Variants in CNTNAP5 observed in about 807,000 individuals in gnomAD.
CNTNAP5 encodes contactin-associated protein-like 5.
A neutral mutation model predicts 150.2 loss-of-function variants in CNTNAP5; 72 were observed. The ratio of observed to expected loss-of-function variants is 0.48; its 90% CI spans 0.40 to 0.58. The LOEUF is 0.58. Ranked by LOEUF, CNTNAP5 falls within the 20% of genes least tolerant of loss-of-function variation. The pLI is 0.00. For missense variants in CNTNAP5, 1,636 were observed against 1,626.2 expected, an observed-to-expected ratio of 1.01 and a Z score of -0.10; for synonymous variants, 672 against 619.8, an observed-to-expected ratio of 1.08 and a Z score of -1.25.
chr2:124,608,368 A>C (rs1677300856), intron 11 of CNTNAP5, among the ~76,000 whole-genome samples: 2 of 152,274 alleles, frequency 1.3e-5, no homozygotes, highest in African/African-American at 4.8e-5. Flanking sequence ...TAGCCTAATA[A>C]AATTTATATA....
intron 2 of CNTNAP5, among the ~76,000 whole-genome samples, chr2:124,230,366 A>G (rs912981442): frequency 1.3e-5 from 2 of 152,054 alleles, no homozygotes; most frequent in Non-Finnish European, 2.9e-5. Flanking sequence ...AATCCTGGGA[A>G]CCCAATTTCA....
intron 21 of CNTNAP5, among the ~76,000 whole-genome samples, chr2:124,897,178 A>G (rs1678323289): frequency 6.6e-6 from 1 of 151,586 alleles, no homozygotes; most frequent in African/African-American, 2.4e-5. Flanking sequence ...CCTCTGAATG[A>G]GTAGGGAACC....
At chr2:124,754,230 T>G (rs1047624848) in intron 14 of CNTNAP5, among the ~76,000 whole-genome samples, 1 of 152,176 alleles carries the variant, frequency 6.6e-6, no homozygotes, top group Non-Finnish European at 1.5e-5. Flanking sequence ...ACAATTCACC[T>G]CAGGGCACAC....
intron 3 of CNTNAP5, among the ~76,000 whole-genome samples, chr2:124,360,992 G>A (rs1481507083): frequency 5.4e-5 from 7 of 130,830 alleles, no homozygotes; most frequent in Admixed American, 7.7e-5. Context: ...ATATTTCTTG[G>A]AGGCTTTGCT....
chr2:124,317,028 G>A (rs528706795), intron 3 of CNTNAP5, among the ~76,000 whole-genome samples: 10 of 152,116 alleles, frequency 6.6e-5, no homozygotes, highest in African/African-American at 1.2e-4. Context: ...GAAAGGTTAT[G>A]TTGAGCATGC....
At chr2:124,649,314 C>T (rs1429487792) in intron 13 of CNTNAP5, among the ~76,000 whole-genome samples, 1 of 152,074 alleles carries the variant, frequency 6.6e-6, no homozygotes, top group Admixed American at 6.6e-5. Flanking sequence ...CTGCCAGAGT[C>T]AATGTTTATA....
intron 1 of CNTNAP5, among the ~76,000 whole-genome samples, chr2:124,030,579 T>C (rs113070143): frequency 0.012 from 1,794 of 152,184 alleles, 31 homozygotes; most frequent in African/African-American, 0.04. Context: ...TTATGGTTAA[T>C]TTCTGTAGCT....
At chr2:124,796,045 T>A (rs1460071623) in intron 18 of CNTNAP5, among the ~76,000 whole-genome samples, 2 of 152,118 alleles carry the variant, frequency 1.3e-5, no homozygotes, top group Admixed American at 1.3e-4. Context: ...GCTTAAACTC[T>A]TAGATTATAA....
intron 3 of CNTNAP5, among the ~76,000 whole-genome samples, chr2:124,408,242 G>C (rs1170254274): frequency 6.6e-6 from 1 of 152,188 alleles, no homozygotes; most frequent in Non-Finnish European, 1.5e-5. Context: ...TACGCCCACG[G>C]AGTCTCGCTG....
chr2:124,049,389 G>C (rs898176011), intron 1 of CNTNAP5, among the ~76,000 whole-genome samples: 1 of 152,176 alleles, frequency 6.6e-6, no homozygotes, highest in Admixed American at 6.5e-5. Flanking sequence ...AAGTCTTAAA[G>C]ATGATGTTCT....
intron 4 of CNTNAP5, among the ~76,000 whole-genome samples, chr2:124,432,731 A>G (rs546868967): frequency 3.3e-5 from 5 of 152,308 alleles, no homozygotes; most frequent in African/African-American, 1.2e-4. Flanking sequence ...TGAGAAGCCA[A>G]AACATGACAG....
At chr2:124,565,676 T>C in intron 11 of CNTNAP5, among the ~76,000 whole-genome samples, 1 of 132,160 alleles carries the variant, frequency 7.6e-6, no homozygotes, top group South Asian at 2.7e-4. Context: ...CTCGGCTCAC[T>C]GCAACCTCCG....
intron 10 of CNTNAP5, among the ~76,000 whole-genome samples, chr2:124,551,794 C>T (rs1432408917): frequency 1.3e-5 from 2 of 152,248 alleles, no homozygotes; most frequent in East Asian, 3.9e-4. Flanking sequence ...TCATTTCAGT[C>T]TGTTATGGGA....
chr2:124,510,323 A>ATATATATATATCTATATATCTC (rs1694543258), intron 8 of CNTNAP5, among the ~76,000 whole-genome samples: 1 of 112,960 alleles, frequency 8.9e-6, no homozygotes, highest in Non-Finnish European at 1.8e-5. Flanking sequence ...CTATATATCT[A>ATATATATATATCTATATATCTC]TCTATATATA....
At chr2:124,567,798 G>A (rs2104935500) in intron 11 of CNTNAP5, among the ~76,000 whole-genome samples, 1 of 151,744 alleles carries the variant, frequency 6.6e-6, no homozygotes, top group Admixed American at 6.6e-5. Flanking sequence ...AAGATTAAAA[G>A]GAGCAGGTTT....
In CNTNAP5 at chr2:124,039,393, G is replaced by C. The variant is rs150583382; in HGVS notation, c.82+13661G>C. ...AAACCCAAGCATAGACAGAAAGCCT[G>C]GATGAGGGATAATACGGGGCAAACC... is the stretch of plus-strand genomic sequence containing the variant. On this transcript the variant is annotated intron_variant, in intron 1 of 23. Coordinates refer to ENST00000682447, the MANE Select transcript of CNTNAP5 (RefSeq NM_001367498.1). Among the ~76,000 whole-genome samples the C allele has an allele frequency of 1.5e-3, 226 of 152,296 alleles. 1 individual carries two copies. The highest frequency in any genetic ancestry group is 5.1e-3 in the African/African-American group (213 of 41,570).
Position 124,490,449 on chromosome 2 carries a change from A to G in CNTNAP5, c.1063-13843A>G, listed in dbSNP as rs532161134. ...AAGAAAGAAAGAAAGGGAAAGAGAA[A>G]GAAAGAGCAGGAATAATAATTAATT... On this transcript the variant is annotated intron_variant, in intron 7 of 23. Coordinates refer to ENST00000682447, the MANE Select transcript of CNTNAP5 (RefSeq NM_001367498.1). Among the ~76,000 whole-genome samples the G allele has an allele frequency of 1.5e-3, 224 of 152,154 alleles. 1 individual carries two copies. The highest frequency in any genetic ancestry group is 0.014 in the Middle Eastern group (4 of 294).
intron 3 of CNTNAP5, among the ~76,000 whole-genome samples, chr2:124,269,798 G>T (rs963802961): frequency 6.6e-6 from 1 of 152,106 alleles, no homozygotes; most frequent in African/African-American, 2.4e-5. Context: ...TTTTAAAAAA[G>T]AAGTCTCAAG....
chr2:124,814,766 A>C (rs1314989900), intron 19 of CNTNAP5, among the ~76,000 whole-genome samples: 1 of 152,088 alleles, frequency 6.6e-6, no homozygotes, highest in Non-Finnish European at 1.5e-5. Flanking sequence ...AAAGTTGCAG[A>C]TAATAAAAAT....
Sources: allele counts gnomAD v4.1 joint callset (sites outside exome capture counted in the v4.1 genomes callset), GRCh38; gene constraint gnomAD v4.1.1; transcripts MANE v1.5; gene names NCBI Gene and HGNC (gene_info 2026-07-23, HGNC 2026-07-21).